THSD1: variants seen among roughly 807,000 people sequenced by gnomAD.
The protein encoded by THSD1 is thrombospondin type-1 domain-containing protein 1.
A neutral mutation model predicts 46.3 loss-of-function variants in THSD1; 34 were observed. The ratio of observed to expected loss-of-function variants is 0.74; its 90% CI spans 0.56 to 0.98. The LOEUF is 0.98. Among genes scored for constraint, THSD1 ranks in the 50% least tolerant of loss-of-function variants. The probability of loss-of-function intolerance (pLI) is 0.00; values close to 1 mark genes in which losing one functional copy is unlikely to be tolerated. For synonymous variants in THSD1, 407 were observed against 416.5 expected, an observed-to-expected ratio of 0.98 and a Z score of 0.28; for missense variants, 1,023 against 1,058.3, an observed-to-expected ratio of 0.97 and a Z score of 0.46.
rs771643748 is a variant in THSD1 at position 52,377,669 on chromosome 13, G to A, written c.2301C>T (p.His767=). The A allele has an allele frequency of 4.3e-5, 69 of 1,610,156 alleles. No individual in the cohort carries two copies. The highest frequency in any genetic ancestry group is 5.8e-5 in the Non-Finnish European group (68 of 1,176,894). ...AAGACTGCTTCCTTGAGACACTCTT[G>A]TGACTGGGGGACGGTCCCCGACGAG... The part of the protein sequence containing the change: ...HRARRGPSPS[H]KSVSRKQSSP... Residue 767 remains histidine, a synonymous_variant, in exon 5 of 5, where the codon CAC becomes CAT. Coordinates refer to ENST00000258613, the MANE Select transcript of THSD1 (RefSeq NM_018676.4).
intron 1 of THSD1, among the ~76,000 whole-genome samples, chr13:52,403,672 G>A (rs535748894): frequency 1.3e-5 from 2 of 152,068 alleles, no homozygotes; most frequent in South Asian, 2.1e-4. Context: ...TAGTAGAAAC[G>A]GGGTTTCATT....
At chr13:52,395,640 A>C (rs1293925443) in intron 3 of THSD1, among the ~76,000 whole-genome samples, 2 of 152,112 alleles carry the variant, frequency 1.3e-5, no homozygotes, top group Non-Finnish European at 2.9e-5. Context: ...CTTAACGGAG[A>C]TAGGCAGTGG....
At chr13:52,395,454 G>A (rs924245834) in intron 3 of THSD1, among the ~76,000 whole-genome samples, 1 of 152,126 alleles carries the variant, frequency 6.6e-6, no homozygotes, top group Non-Finnish European at 1.5e-5. Context: ...GTGTTAGGGG[G>A]TACAAGGATG....
chr13:52,401,880 A>G (rs4430631), intron 2 of THSD1, among the ~76,000 whole-genome samples: 10 of 152,360 alleles, frequency 6.6e-5, no homozygotes, highest in Admixed American at 6.5e-4. Context: ...AATCATCAAA[A>G]GTAGTGAAGA....
intron 4 of THSD1, among the ~76,000 whole-genome samples, chr13:52,383,818 A>G (rs1017261060): frequency 6.6e-6 from 1 of 152,218 alleles, no homozygotes; most frequent in Admixed American, 6.5e-5. Context: ...ATATCTGAGG[A>G]CCATTTACAG....
rs1024014523 is a variant in THSD1, at chr13:52,378,054, G to A, written c.1916C>T (p.Pro639Leu). ...QARHVGSRGGPSERSHARNAH... is the reference protein window; with the variant it reads ...QARHVGSRGGLSERSHARNAH... ...GTTCCTGGCATGGCTCCTTTCGGAC[G>A]GGCCCCCTCTGCTGCCCACGTGCCT... is the stretch of plus-strand genomic sequence containing the variant. The change falls in exon 5 of 5, where the codon CCG (proline) becomes CTG (leucine). Residue 639 changes from proline (P) to leucine (L), a missense_variant. By Grantham distance (98) the Pro-to-Leu change is moderately conservative (BLOSUM62 -3). This residue lies in a region of THSD1 where 578 missense variants were observed against 497.4 expected (regional missense o/e 1.16). Coordinates refer to ENST00000258613, the MANE Select transcript of THSD1 (RefSeq NM_018676.4). 29 of 1,613,968 alleles carry A rather than the reference G, an allele frequency of 1.8e-5. No homozygotes were observed. Among genetic ancestry groups the A allele is most frequent in the South Asian group, 1.1e-4 (10 of 91,088 alleles).
At chr13:52,396,118 G>A (rs1957808419) in intron 3 of THSD1, among the ~76,000 whole-genome samples, 1 of 152,184 alleles carries the variant, frequency 6.6e-6, no homozygotes, top group Non-Finnish European at 1.5e-5. Context: ...GGAGGAGAAA[G>A]CCAAAGGAAA....
intron 3 of THSD1, among the ~76,000 whole-genome samples, chr13:52,395,497 C>A (rs1277510445): frequency 6.6e-6 from 1 of 152,086 alleles, no homozygotes; most frequent in Non-Finnish European, 1.5e-5. Context: ...TTCTGAGGTG[C>A]CAGGGAGACA....
At chr13:52,390,627 G>C (rs1007775816) in intron 3 of THSD1, among the ~76,000 whole-genome samples, 9 of 152,106 alleles carry the variant, frequency 5.9e-5, no homozygotes, top group African/African-American at 1.7e-4. Flanking sequence ...TGCTTGAAAA[G>C]CTTTGAGAAT....
chr13:52,383,174 A>G (rs948678325), intron 4 of THSD1, among the ~76,000 whole-genome samples: 6 of 152,160 alleles, frequency 3.9e-5, no homozygotes, highest in Non-Finnish European at 5.9e-5. Flanking sequence ...AGCCCCTTCA[A>G]GACAGTCATA....
intron 4 of THSD1, among the ~76,000 whole-genome samples, chr13:52,379,620 G>A (rs767620763): frequency 3.9e-5 from 6 of 151,966 alleles, no homozygotes; most frequent in African/African-American, 9.7e-5. Flanking sequence ...AACTATAGGC[G>A]CATGCCACCA....
intron 3 of THSD1, among the ~76,000 whole-genome samples, chr13:52,392,772 G>A (rs550458404): frequency 1.3e-5 from 2 of 152,284 alleles, no homozygotes; most frequent in East Asian, 3.9e-4. Context: ...AACAAATCAC[G>A]ATTATAAGAA....
chr13:52,405,522 G>T (rs1375983549), intron 1 of THSD1, among the ~76,000 whole-genome samples: 1 of 152,056 alleles, frequency 6.6e-6, no homozygotes, highest in Non-Finnish European at 1.5e-5. Context: ...CTCTGCCCTG[G>T]TCCCACAGGT....
rs773886242 is a variant in THSD1, at chr13:52,386,013, A to T, written c.1180+15T>A. On this transcript the variant is annotated intron_variant, in intron 4 of 4. Transcript: ENST00000258613. ...GCTCTGAGGAGAGACTCCCGAAGGA[A>T]GCAAGAATACCTACCAGCACACTCC... 1 of 1,612,386 alleles carries T rather than the reference A, an allele frequency of 6.2e-7. No homozygotes were observed. The highest frequency in any genetic ancestry group is 8.5e-7 in the Non-Finnish European group (1 of 1,179,134).
At chr13:52,384,335 C>A in intron 4 of THSD1, 1 of 455,062 alleles carries the variant, frequency 2.2e-6, no homozygotes, top group Non-Finnish European at 4.4e-6. Flanking sequence ...AGATCGATAG[C>A]TTAGCAAGAA....
At chr13:52,394,087 C>T (rs529794794) in intron 3 of THSD1, among the ~76,000 whole-genome samples, 172 of 152,314 alleles carry the variant, frequency 1.1e-3, no homozygotes, top group Non-Finnish European at 1.1e-3. Flanking sequence ...GAACCACTCC[C>T]GTTCTGCCCT....
At chr13:52,384,648 T>C (rs966385063) in intron 4 of THSD1, among the ~76,000 whole-genome samples, 2 of 152,192 alleles carry the variant, frequency 1.3e-5, no homozygotes, top group African/African-American at 2.4e-5. Flanking sequence ...ATATAAAAGA[T>C]TAGTTGTCAC....
At chr13:52,391,804 A>G (rs1373817027) in intron 3 of THSD1, among the ~76,000 whole-genome samples, 1 of 151,958 alleles carries the variant, frequency 6.6e-6, no homozygotes, top group Non-Finnish European at 1.5e-5. Context: ...CGGCCTCTCA[A>G]AGTGCTGGGA....
chr13:52,382,218 A>G (rs1957698602), intron 4 of THSD1, among the ~76,000 whole-genome samples: 1 of 152,142 alleles, frequency 6.6e-6, no homozygotes, highest in Non-Finnish European at 1.5e-5. Context: ...TTCCTCTGAT[A>G]TATCTGATCT....
Sources: gnomAD v4.1 joint callset for allele counts (sites outside exome capture counted in the v4.1 genomes callset) on GRCh38, gnomAD v4.1.1 for gene constraint, gnomAD v4.1.1 regional missense constraint, MANE v1.5 for transcripts, NCBI Gene and HGNC (gene_info 2026-07-23, HGNC 2026-07-21) for gene names.